The following TFEB variants were observed in gnomAD, a reference collection of about 807,000 sequenced individuals.
The protein encoded by TFEB is transcription factor EB.
In TFEB, 12 loss-of-function variants were observed where a neutral mutation model predicts 48.0. The observed-to-expected ratio is 0.25, with a 90% CI of 0.16 to 0.40. TFEB has a LOEUF of 0.40. Ranked by LOEUF, TFEB falls within the 10% of genes least tolerant of loss-of-function variation. The probability of loss-of-function intolerance (pLI) is 1.00; values close to 1 mark genes in which losing one functional copy is unlikely to be tolerated. For synonymous variants in TFEB, 244 were observed against 261.4 expected, an observed-to-expected ratio of 0.93 and a Z score of 0.64; for missense variants, 509 against 640.3, an observed-to-expected ratio of 0.79 and a Z score of 2.21.
chr6:41,727,309 AAG>A (rs1203520675), intron 1 of TFEB, among the ~76,000 whole-genome samples: 1 of 152,206 alleles, frequency 6.6e-6, no homozygotes, highest in Non-Finnish European at 1.5e-5. Context: ...AGGGGAGACA[AAG>A]AGCAGGAGAG....
chr6:41,712,823 C>T (rs527851055), intron 1 of TFEB, among the ~76,000 whole-genome samples: 34 of 152,262 alleles, frequency 2.2e-4, no homozygotes, highest in Admixed American at 2.2e-3. Flanking sequence ...ATTCATGTCT[C>T]TGGAGAAAGC....
At chr6:41,711,587 G>A (rs1770477086) in intron 1 of TFEB, among the ~76,000 whole-genome samples, 1 of 152,156 alleles carries the variant, frequency 6.6e-6, no homozygotes, top group Non-Finnish European at 1.5e-5. Flanking sequence ...CTGTCCCTTT[G>A]CTAAGAGCGC....
At chr6:41,726,379 G>T (rs751083400) in intron 1 of TFEB, among the ~76,000 whole-genome samples, 2 of 152,216 alleles carry the variant, frequency 1.3e-5, no homozygotes, top group Non-Finnish European at 2.9e-5. Flanking sequence ...GAGGGCACAT[G>T]AGTTGATTTT....
chr6:41,727,035 G>A (rs34846419), intron 1 of TFEB, among the ~76,000 whole-genome samples: 10,422 of 152,140 alleles, frequency 0.069, 516 homozygotes, highest in Admixed American at 0.15. Context: ...CACAGGAGCC[G>A]ACTACCATAG....
intron 1 of TFEB, among the ~76,000 whole-genome samples, chr6:41,695,682 C>T (rs1769540719): frequency 6.6e-6 from 1 of 152,030 alleles, no homozygotes; most frequent in Non-Finnish European, 1.5e-5. Flanking sequence ...GTTGTTACCG[C>T]TGGGGAGGGG....
chr6:41,714,904 AGAC>A (rs1770668195), intron 1 of TFEB, among the ~76,000 whole-genome samples: 2 of 152,344 alleles, frequency 1.3e-5, no homozygotes, highest in Non-Finnish European at 2.9e-5. Context: ...ACAAAATGTC[AGAC>A]GACAAGGAGC....
upstream of TFEB, chr6:41,736,060 G>T: frequency 6.4e-7 from 1 of 1,558,562 alleles, no homozygotes; most frequent in Non-Finnish European, 8.8e-7. Context: ...GCAAGGCCAG[G>T]GTGAGCCTGG....
rs58269771 is a variant in TFEB at position 41,721,372 on chromosome 6, TACACAC to T, written c.-23+13972_-23+13977del. On this transcript the variant is annotated intron_variant, in intron 1 of 8. Coordinates refer to ENST00000373033, the MANE Select transcript of TFEB (RefSeq NM_001271944.2). ...TACTTTATTTGACACTAGGCACACA[TACACAC>T]ACACACACACACACACACACACACA... Among the ~76,000 whole-genome samples, 598 of 144,776 alleles carry T rather than the reference TACACAC, an allele frequency of 4.1e-3. 3 individuals are homozygous for T. The highest frequency in any genetic ancestry group is 0.01 in the African/African-American group (413 of 40,072). The allele number at this position is 144,776 out of a possible 152,430, so 95.0% of individuals were successfully genotyped here.
intron 1 of TFEB, among the ~76,000 whole-genome samples, chr6:41,695,645 C>A (rs1769537477): frequency 6.6e-6 from 1 of 152,144 alleles, no homozygotes; most frequent in Non-Finnish European, 1.5e-5. Flanking sequence ...CTATTCTGGG[C>A]TCTCCCAGCA....
intron 1 of TFEB, chr6:41,733,173 T>C: frequency 2.3e-6 from 1 of 434,680 alleles, no homozygotes; most frequent in Non-Finnish European, 3.1e-6. Flanking sequence ...TTCCACCTAC[T>C]TCTCAGCTTT....
At chr6:41,688,773 T>C (rs114025545) in intron 4 of TFEB, among the ~76,000 whole-genome samples, 10,230 of 152,170 alleles carry the variant, frequency 0.067, 460 homozygotes, top group Non-Finnish European at 0.093. Flanking sequence ...ACCCAACCAG[T>C]CCCGGCCAGC....
At chr6:41,704,342 T>C (rs931478142) in intron 1 of TFEB, among the ~76,000 whole-genome samples, 9 of 152,218 alleles carry the variant, frequency 5.9e-5, no homozygotes, top group Non-Finnish European at 7.3e-5. Context: ...TGGGGGCAGG[T>C]GCTTAACCGC....
rs1206297601 is a variant in TFEB at position 41,684,179 on chromosome 6, A to G, written c.*420T>C. ...TGGACCTCCTGCCATCTGAGTCCCAAAAAGGCAGGCCTGAGCACCCCCAGG... is the reference window on the plus strand; with the variant it reads ...TGGACCTCCTGCCATCTGAGTCCCAGAAAGGCAGGCCTGAGCACCCCCAGG... On this transcript the variant is annotated 3_prime_UTR_variant, in exon 9 of 9. Transcript: ENST00000373033. 2 of 235,416 alleles carry G rather than the reference A, an allele frequency of 8.5e-6. No homozygotes were observed. Among genetic ancestry groups the G allele is most frequent in the African/African-American group, 4.4e-5 (2 of 45,350 alleles). 14.6% of individuals were successfully genotyped at this position (235,416 alleles called of 1,614,324 possible).
In TFEB at chr6:41,723,711, C is replaced by G; in HGVS notation, c.-23+11639G>C. 5.0e-6 allele frequency: 2 copies of G among 398,192 alleles called. No homozygotes were observed. The highest frequency in any genetic ancestry group is 3.8e-4 in the Middle Eastern group (1 of 2,656). The allele number at this position is 398,192 out of a possible 1,614,324, so 24.7% of individuals were successfully genotyped here. On this transcript the variant is annotated intron_variant, in intron 1 of 8. Coordinates refer to ENST00000373033, the MANE Select transcript of TFEB (RefSeq NM_001271944.2). This position sits in a 1 kb window ranked among gnomAD's most constrained non-coding sequence, Gnocchi z 6.0. ...GCGCCCCGACGGCACAGTCCCACAC[C>G]GCAGCCTACCCAACACAGACTGCTT... is the stretch of plus-strand genomic sequence containing the variant.
chr6:41,709,297 T>A (rs1183731794), intron 1 of TFEB, among the ~76,000 whole-genome samples: 1 of 123,246 alleles, frequency 8.1e-6, no homozygotes, highest in Non-Finnish European at 1.9e-5. Flanking sequence ...GTGACCTTCA[T>A]CAACTTACTT....
chr6:41,686,023 GC>G (rs35643050), intron 8 of TFEB, 66 bp downstream of exon 8: 2 of 1,598,380 alleles, frequency 1.3e-6, no homozygotes, highest in Non-Finnish European at 1.7e-6. Flanking sequence ...TACAAGTACT[GC>G]CCCTTAGGGC....
intron 1 of TFEB, among the ~76,000 whole-genome samples, chr6:41,717,005 A>G (rs1770767061): frequency 6.6e-6 from 1 of 152,164 alleles, no homozygotes; most frequent in African/African-American, 2.4e-5. Context: ...GGGGGCATCA[A>G]AGGACTGGGC....
At chr6:41,709,252 C>G (rs537480248) in intron 1 of TFEB, among the ~76,000 whole-genome samples, 1 of 152,298 alleles carries the variant, frequency 6.6e-6, no homozygotes, top group South Asian at 2.1e-4. Context: ...TGAACCTAGT[C>G]AAGCTGAATC....
intron 1 of TFEB, among the ~76,000 whole-genome samples, chr6:41,692,909 G>T (rs1769387442): frequency 6.6e-6 from 1 of 152,210 alleles, no homozygotes. Flanking sequence ...TCCTAGTTCT[G>T]CCACTTCTTT....
Sources: gnomAD v4.1 joint callset for allele counts (sites outside exome capture counted in the v4.1 genomes callset) on GRCh38, gnomAD v4.1.1 for gene constraint, Gnocchi (gnomAD v3.1) non-coding constraint, MANE v1.5 for transcripts, NCBI Gene and HGNC (gene_info 2026-07-23, HGNC 2026-07-21) for gene names.